The following ENTPD1 variants were observed in gnomAD, a reference collection of about 807,000 sequenced individuals.
ENTPD1 encodes the protein ectonucleoside triphosphate diphosphohydrolase 1.
Under a neutral mutation model 57.0 loss-of-function variants are expected in ENTPD1, and 33 were observed. That is an observed-to-expected ratio of 0.58 (90% confidence interval 0.44 to 0.77). The LOEUF (loss-of-function observed/expected upper bound fraction) is 0.77, where lower values mean the gene tolerates loss of function less well. ENTPD1 is among the 30% of genes least tolerant of loss of function. The probability of loss-of-function intolerance (pLI) is 0.00; values close to 1 mark genes in which losing one functional copy is unlikely to be tolerated. For synonymous variants in ENTPD1, 202 were observed against 218.8 expected (o/e 0.92, Z 0.68); for missense variants, 501 against 603.4 (o/e 0.83, Z 1.78).
Position 95,806,289 on chromosome 10 carries a change from A to G in ENTPD1, c.17-16948A>G, listed in dbSNP as rs539408270. ...TTCTTCCACTTGATCGAATCGGCTA[A>G]TGAAGGTTGTGCATGTGTCACATAG... On this transcript the variant is annotated intron_variant, in intron 1 of 9. Coordinates refer to ENST00000371205, the MANE Select transcript of ENTPD1 (RefSeq NM_001776.6). Among the ~76,000 whole-genome samples, 187 of 152,254 alleles carry G rather than the reference A, an allele frequency of 1.2e-3. 1 individual carries two copies. The highest frequency in any genetic ancestry group is 4.3e-3 in the African/African-American group (177 of 41,536).
exon 1 of ENTPD1, chr10:95,711,792 A>G: frequency 1.1e-6 from 1 of 938,706 alleles, no homozygotes; most frequent in Non-Finnish European, 1.7e-6. Flanking sequence ...TACGTGTAAA[A>G]TTATGATCAA....
intron 3 of ENTPD1, among the ~76,000 whole-genome samples, chr10:95,840,489 C>T (rs959409020): frequency 3.5e-4 from 53 of 152,120 alleles, no homozygotes; most frequent in Admixed American, 2.6e-3. Flanking sequence ...TCTGTGTAGG[C>T]AGGAAAGACC....
intron 2 of ENTPD1, among the ~76,000 whole-genome samples, chr10:95,830,000 G>A (rs1245935692): frequency 1.3e-5 from 2 of 152,032 alleles, no homozygotes; most frequent in African/African-American, 4.8e-5. Context: ...GTGCCACCTC[G>A]GGACTCTGCA....
chr10:95,838,831 C>A (rs1176230043), intron 2 of ENTPD1, among the ~76,000 whole-genome samples: 1 of 152,028 alleles, frequency 6.6e-6, no homozygotes, highest in Non-Finnish European at 1.5e-5. Context: ...ATTGCCCAGC[C>A]CTTGCTTCTA....
At chr10:95,811,536 C>T (rs371187552) in intron 1 of ENTPD1, among the ~76,000 whole-genome samples, 41 of 152,288 alleles carry the variant, frequency 2.7e-4, no homozygotes, top group Admixed American at 6.5e-4. Flanking sequence ...CACAAGCACA[C>T]GCCACCATAC....
rs890607419 is a variant in ENTPD1 at position 95,875,150 on chromosome 10, G to C, written c.*8767G>C. The C allele has an allele frequency of 6.6e-6, 1 of 152,188 alleles. No homozygotes were observed. Among genetic ancestry groups the C allele is most frequent in the African/African-American group, 2.4e-5 (1 of 41,436 alleles). The allele number at this position is 152,188 out of a possible 1,614,324, so 9.4% of individuals were successfully genotyped here. ...GCTTGAATTTCTCCTTAAAAAAAAT[G>C]GGTTTTTCTTTTCTACTGCATCATC... On this transcript the variant is annotated 3_prime_UTR_variant, in exon 10 of 10. Transcript: ENST00000371205.
intron 2 of ENTPD1, among the ~76,000 whole-genome samples, chr10:95,831,067 GAC>G (rs955260827): frequency 3.3e-5 from 5 of 152,198 alleles, no homozygotes; most frequent in African/African-American, 1.2e-4. Context: ...TAATGTGAAA[GAC>G]ACTTGGGTTG....
At position 95,868,253 on chromosome 10, in the gene ENTPD1, C is replaced by T. The variant is rs1566263642; in HGVS notation, c.*1870C>T. 1 of 985,346 alleles carries T rather than the reference C, an allele frequency of 1.0e-6. No individual in the cohort carries two copies. Among genetic ancestry groups the T allele is most frequent in the East Asian group, 1.1e-4 (1 of 8,830 alleles). 61.0% of individuals were successfully genotyped at this position (985,346 alleles called of 1,614,324 possible). On this transcript the variant is annotated 3_prime_UTR_variant, in exon 10 of 10. Coordinates refer to ENST00000371205, the MANE Select transcript of ENTPD1 (RefSeq NM_001776.6). ...TATTTTCTTTCCCGAACATACCAGG[C>T]TGTCTCCTCATAACTTCCAAGCATG...
At chr10:95,804,060 G>A (rs531745120) in intron 1 of ENTPD1, among the ~76,000 whole-genome samples, 2 of 152,234 alleles carry the variant, frequency 1.3e-5, no homozygotes, top group East Asian at 1.9e-4. Flanking sequence ...CCATTGGTCT[G>A]TCTCTCTGTT....
At chr10:95,744,251 G>A (rs2098003643) in intron 1 of ENTPD1, among the ~76,000 whole-genome samples, 1 of 151,792 alleles carries the variant, frequency 6.6e-6, no homozygotes, top group South Asian at 2.1e-4. Context: ...TACATGTATA[G>A]TGGTTTCAGA....
intron 1 of ENTPD1, among the ~76,000 whole-genome samples, chr10:95,773,008 C>G (rs1245252262): frequency 6.6e-6 from 1 of 152,110 alleles, no homozygotes; most frequent in Non-Finnish European, 1.5e-5. Flanking sequence ...CAGGCTGCTT[C>G]CACTCTTGGA....
At position 95,867,117 on chromosome 10, in the gene ENTPD1, A is replaced by G. The variant is rs1326941994; in HGVS notation, c.*734A>G. On this transcript the variant is annotated 3_prime_UTR_variant, in exon 10 of 10. Transcript: ENST00000371205. ...ATGCATTCAAACATCAGGGCTTACT[A>G]TGAGGTAGGTGGTATATACATGTCA... The G allele has an allele frequency of 9.1e-6, 9 of 985,964 alleles. No homozygotes were observed. The highest frequency in any genetic ancestry group is 1.1e-4 in the East Asian group (1 of 8,828). The allele number at this position is 985,964 out of a possible 1,614,324, so 61.1% of individuals were successfully genotyped here. A position where few individuals can be genotyped will look rare whatever the true frequency, so the allele number is the denominator to read the frequency against.
Position 95,874,318 on chromosome 10 carries a change from T to A in ENTPD1, c.*7935T>A, listed in dbSNP as rs1192087931. ...TGGCCAAAACAAAGGGGTTACAGGG[T>A]CCATGCAAGTCTGAAATCCAGTGGG... On this transcript the variant is annotated 3_prime_UTR_variant, in exon 10 of 10. Coordinates refer to ENST00000371205, the MANE Select transcript of ENTPD1 (RefSeq NM_001776.6). 6.6e-6 allele frequency among the ~76,000 whole-genome samples: 1 copy of A among 152,068 alleles called. No homozygotes were observed. The highest frequency in any genetic ancestry group is 1.5e-5 in the Non-Finnish European group (1 of 68,018).
At chr10:95,800,668 A>G (rs935685238) in intron 1 of ENTPD1, among the ~76,000 whole-genome samples, 9 of 152,178 alleles carry the variant, frequency 5.9e-5, no homozygotes, top group Non-Finnish European at 1.2e-4. Flanking sequence ...CCTTGCTGGG[A>G]AAAGAATTCA....
chr10:95,805,128 C>T (rs2098266784), intron 1 of ENTPD1, among the ~76,000 whole-genome samples: 1 of 152,110 alleles, frequency 6.6e-6, no homozygotes, highest in South Asian at 2.1e-4. Context: ...GAGTCTAAGT[C>T]TCTTTGTAGG....
intron 1 of ENTPD1, among the ~76,000 whole-genome samples, chr10:95,810,005 C>A (rs1461385642): frequency 6.9e-6 from 1 of 144,580 alleles, no homozygotes; most frequent in Non-Finnish European, 1.5e-5. Flanking sequence ...GGCAGAGGCG[C>A]TTCTCACTTC....
In ENTPD1 at chr10:95,871,211, A is replaced by C. The variant is rs1381120457; in HGVS notation, c.*4828A>C. ...GTGATTAATTTTAACACAGGAAAAA[A>C]GTAAAGCATTAAATGCGATTATTTA... On this transcript the variant is annotated 3_prime_UTR_variant, in exon 10 of 10. Coordinates refer to ENST00000371205, the MANE Select transcript of ENTPD1 (RefSeq NM_001776.6). 1.0e-6 allele frequency: 1 copy of C among 985,500 alleles called. No individual in the cohort carries two copies. The highest frequency in any genetic ancestry group is 1.7e-5 in the African/African-American group (1 of 57,382). 61.0% of individuals were successfully genotyped at this position (985,500 alleles called of 1,614,324 possible).
intron 1 of ENTPD1, chr10:95,756,457 G>A: frequency 1.6e-6 from 1 of 632,098 alleles, no homozygotes; most frequent in Non-Finnish European, 2.8e-6. Context: ...TTGCAGTCAA[G>A]GGTGGCTCTA....
intron 1 of ENTPD1, among the ~76,000 whole-genome samples, chr10:95,743,951 G>C (rs1030058293): frequency 4.3e-5 from 6 of 140,544 alleles, no homozygotes; most frequent in African/African-American, 1.3e-4. Flanking sequence ...ATTGCTTATA[G>C]GCCCACTCTG....
Sources: allele counts gnomAD v4.1 joint callset (sites outside exome capture counted in the v4.1 genomes callset), GRCh38; gene constraint gnomAD v4.1.1; transcripts MANE v1.5; gene names NCBI Gene and HGNC (gene_info 2026-07-23, HGNC 2026-07-21).